The following SLC44A3 variants were observed in gnomAD, a reference collection of about 807,000 sequenced individuals.
SLC44A3 encodes solute carrier family 44 member 3.
In SLC44A3, 74 loss-of-function variants were observed where a neutral mutation model predicts 75.4. The observed-to-expected ratio is 0.98, with a 90% confidence interval of 0.81 to 1.19. The LOEUF (loss-of-function observed/expected upper bound fraction) is 1.19, where lower values mean the gene tolerates loss of function less well. Ranked by LOEUF, SLC44A3 falls within the 50% of genes most tolerant of loss-of-function variation. The pLI is 0.00. For synonymous variants in SLC44A3, 310 were observed against 296.9 expected, an observed-to-expected ratio of 1.04 and a Z score of -0.45; for missense variants, 700 against 778.6, an observed-to-expected ratio of 0.90 and a Z score of 1.20.
chr1:94,824,218 C>G (rs1410877505), intron 2 of SLC44A3, among the ~76,000 whole-genome samples: 1 of 152,058 alleles, frequency 6.6e-6, no homozygotes, highest in Non-Finnish European at 1.5e-5. Flanking sequence ...ATGATAGACT[C>G]TTAAGGAAAA....
At chr1:94,835,001 C>T (rs1025618748) in intron 5 of SLC44A3, among the ~76,000 whole-genome samples, 3 of 152,236 alleles carry the variant, frequency 2.0e-5, no homozygotes, top group Admixed American at 1.3e-4. Flanking sequence ...GAGAAAGGCA[C>T]TTCACCTCTG....
At chr1:94,856,511 C>T (rs1341733925) in intron 9 of SLC44A3, among the ~76,000 whole-genome samples, 1 of 152,152 alleles carries the variant, frequency 6.6e-6, no homozygotes, top group African/African-American at 2.4e-5. Flanking sequence ...AACAAAGACC[C>T]TTGTCTCTTT....
intron 12 of SLC44A3, among the ~76,000 whole-genome samples, chr1:94,888,440 T>C (rs969833936): frequency 2.6e-5 from 4 of 152,164 alleles, no homozygotes; most frequent in African/African-American, 9.7e-5. Context: ...ATGAATAGAT[T>C]GGTCATCAGG....
Position 94,882,772 on chromosome 1 carries a change from C to G in SLC44A3, c.1483-8358C>G, listed in dbSNP as rs75855243. ...GAATTTGTGGGAGGACAAGGCTTAT[C>G]TAAAACAAAGAGCACTGGCTATGAG... is the stretch of plus-strand genomic sequence containing the variant. On this transcript the variant is annotated intron_variant, in intron 12 of 14. Transcript: ENST00000271227. Among the ~76,000 whole-genome samples the G allele has an allele frequency of 6.4e-3, 970 of 151,880 alleles. 6 individuals are homozygous for G. Among genetic ancestry groups the G allele is most frequent in the Non-Finnish European group, 9.0e-3 (611 of 67,954 alleles).
intron 6 of SLC44A3, 71 bp from the exon 7 acceptor site, chr1:94,839,877 T>C: frequency 9.3e-7 from 1 of 1,080,358 alleles, no homozygotes; most frequent in Non-Finnish European, 1.4e-6. Context: ...GGTTTTGTCA[T>C]CGCAGTACTA....
chr1:94,848,893 G>A (rs1664811960), intron 9 of SLC44A3, among the ~76,000 whole-genome samples: 1 of 152,136 alleles, frequency 6.6e-6, no homozygotes, highest in African/African-American at 2.4e-5. Context: ...AAATCGCCAG[G>A]TCAGAAAATA....
intron 9 of SLC44A3, among the ~76,000 whole-genome samples, chr1:94,848,359 G>C (rs1232503341): frequency 2.0e-5 from 3 of 152,238 alleles, no homozygotes. Context: ...GCTAGAGCCA[G>C]CTGGGGATGA....
chr1:94,892,514 T>C lies in SLC44A3; in HGVS notation c.1854T>C (p.Phe618=). 6.2e-7 allele frequency: 1 copy of C among 1,613,386 alleles called. No homozygotes were observed. The highest frequency in any genetic ancestry group is 1.1e-5 in the South Asian group (1 of 90,874). The part of the protein sequence containing the change: ...SEKPYFMDQE[F]LSFVKRSNKL... ...AGCCCTACTTTATGGATCAAGAATT[T>C]CTGGTAAGCAAACATTTCATTTCCA... Residue 618 remains phenylalanine, a synonymous_variant, in exon 14 of 15, where the codon TTT becomes TTC. Transcript: ENST00000271227.
intron 12 of SLC44A3, chr1:94,888,775 G>T: frequency 4.3e-6 from 4 of 928,872 alleles, no homozygotes; most frequent in South Asian, 9.9e-5. Context: ...TGTCACCCAG[G>T]TTGGAGTGCA....
At chr1:94,892,614 T>C in intron 14 of SLC44A3, 97 bp downstream of exon 14, 1 of 1,218,832 alleles carries the variant, frequency 8.2e-7, no homozygotes, top group Non-Finnish European at 1.2e-6. Flanking sequence ...ACCCAGCCTC[T>C]CTCTTCTAGA....
At chr1:94,827,874 C>G (rs1308860837) in intron 4 of SLC44A3, among the ~76,000 whole-genome samples, 1 of 152,084 alleles carries the variant, frequency 6.6e-6, no homozygotes, top group Non-Finnish European at 1.5e-5. Context: ...GTGTATGCTC[C>G]CTGCCACTGC....
At chr1:94,889,524 T>TCACACACACACA (rs57397808) in intron 12 of SLC44A3, among the ~76,000 whole-genome samples, 327 of 111,720 alleles carry the variant, frequency 2.9e-3, no homozygotes, top group African/African-American at 8.3e-3. Context: ...GTGAACATAA[T>TCACACACACACA]CACACACACA....
chr1:94,842,237 G>A, intron 8 of SLC44A3, 113 bp downstream of exon 8: 3 of 1,423,972 alleles, frequency 2.1e-6, no homozygotes, highest in Non-Finnish European at 2.8e-6. Context: ...GATTTAGAAT[G>A]TGCCTTCTTT....
At chr1:94,847,691 A>T (rs1664593623) in intron 9 of SLC44A3, among the ~76,000 whole-genome samples, 1 of 152,172 alleles carries the variant, frequency 6.6e-6, no homozygotes, top group African/African-American at 2.4e-5. Context: ...CCTAGATTCT[A>T]ATCTCTGTAC....
At chr1:94,854,762 T>C (rs1034756994) in intron 9 of SLC44A3, among the ~76,000 whole-genome samples, 64 of 151,370 alleles carry the variant, frequency 4.2e-4, no homozygotes, top group Middle Eastern at 3.4e-3. Flanking sequence ...ATATGGCATT[T>C]GGCAATGTGT....
chr1:94,873,478 A>T (rs1667972933), intron 12 of SLC44A3, among the ~76,000 whole-genome samples: 1 of 152,118 alleles, frequency 6.6e-6, no homozygotes, highest in African/African-American at 2.4e-5. Flanking sequence ...TTCTGGGGAA[A>T]TATACACCTC....
At chr1:94,876,480 T>G (rs1397948115) in intron 12 of SLC44A3, among the ~76,000 whole-genome samples, 10 of 152,204 alleles carry the variant, frequency 6.6e-5, no homozygotes, top group Admixed American at 6.5e-4. Flanking sequence ...CATTCTTATT[T>G]GTCCTACGGC....
intron 10 of SLC44A3, among the ~76,000 whole-genome samples, chr1:94,858,429 G>A (rs776226757): frequency 1.3e-5 from 2 of 152,064 alleles, no homozygotes; most frequent in Non-Finnish European, 2.9e-5. Context: ...ACCCCTGAAC[G>A]CTTTACCTCT....
At chr1:94,866,844 A>G (rs967496119) in intron 11 of SLC44A3, among the ~76,000 whole-genome samples, 16 of 152,224 alleles carry the variant, frequency 1.1e-4, no homozygotes, top group Non-Finnish European at 1.8e-4. Context: ...TAGTCCTGAA[A>G]AAAATCTCAC....
Sources: allele counts gnomAD v4.1 joint callset (sites outside exome capture counted in the v4.1 genomes callset), GRCh38; gene constraint gnomAD v4.1.1; transcripts MANE v1.5; gene names NCBI Gene and HGNC (gene_info 2026-07-23, HGNC 2026-07-21).